The following CWH43 variants were observed in gnomAD, a reference collection of about 807,000 sequenced individuals.
CWH43 encodes the protein cell wall biogenesis 43 C-terminal homolog.
A neutral mutation model predicts 85.7 loss-of-function variants in CWH43; 91 were observed. The ratio of observed to expected loss-of-function variants is 1.06; its 90% CI spans 0.90 to 1.26. The LOEUF is 1.26. Ranked by LOEUF, CWH43 falls within the 50% of genes most tolerant of loss-of-function variation. The probability of loss-of-function intolerance (pLI) is 0.00; values close to 1 mark genes in which losing one functional copy is unlikely to be tolerated. For synonymous variants in CWH43, 323 were observed against 293.6 expected (o/e 1.10, Z -1.02); for missense variants, 869 against 839.2 (o/e 1.04, Z -0.44).
chr4:49,048,390 T>C (rs941300298), intron 14 of CWH43, among the ~76,000 whole-genome samples: 1 of 151,250 alleles, frequency 6.6e-6, no homozygotes, highest in Non-Finnish European at 1.5e-5. Flanking sequence ...TACATGTACA[T>C]ATAAAGTATA....
intron 13 of CWH43, among the ~76,000 whole-genome samples, chr4:49,038,445 T>A (rs780290850): frequency 7.9e-5 from 12 of 152,180 alleles, no homozygotes; most frequent in Admixed American, 5.2e-4. Context: ...GACTGGAGGA[T>A]CTACTTCATA....
intron 12 of CWH43, among the ~76,000 whole-genome samples, chr4:49,035,634 C>A (rs538284694): frequency 6.6e-6 from 1 of 152,242 alleles, no homozygotes; most frequent in East Asian, 1.9e-4. Context: ...ATTGGACCAA[C>A]AAAATATTAA....
chr4:48,998,616 G>A (rs1004937294), intron 6 of CWH43, 68 bp downstream of exon 6: 60 of 1,120,878 alleles, frequency 5.4e-5, no homozygotes, highest in Middle Eastern at 3.9e-4. Context: ...GCAAGCATGC[G>A]CAACTCGACT....
At chr4:49,052,317 T>A (rs1382740449) in intron 15 of CWH43, among the ~76,000 whole-genome samples, 1 of 152,144 alleles carries the variant, frequency 6.6e-6, no homozygotes, top group Non-Finnish European at 1.5e-5. Context: ...GTGGGCCAGT[T>A]GCTTAACCTC....
chr4:49,028,614 A>C lies in CWH43; in HGVS notation c.1267-15A>C. On this transcript the variant is annotated splice_polypyrimidine_tract_variant and intron_variant, in intron 9 of 15. Transcript: ENST00000226432. ...TTCACAGTCATCCTAAACTACCATT[A>C]AAACAATTCCTCAGGCACCAACCAA... 6.3e-7 allele frequency: 1 copy of C among 1,597,568 alleles called. No homozygotes were observed. The highest frequency in any genetic ancestry group is 8.6e-7 in the Non-Finnish European group (1 of 1,167,262).
At chr4:49,011,070 G>A (rs1421607916) in intron 8 of CWH43, among the ~76,000 whole-genome samples, 1 of 152,178 alleles carries the variant, frequency 6.6e-6, no homozygotes, top group Non-Finnish European at 1.5e-5. Flanking sequence ...AATATTGACA[G>A]TGGGGTATTA....
intron 15 of CWH43, 34 bp from the exon 16 acceptor site, chr4:49,061,778 C>G (rs1227066009): frequency 1.5e-6 from 2 of 1,297,446 alleles, no homozygotes; most frequent in Non-Finnish European, 2.0e-6. Context: ...TTTTTACATG[C>G]CAATAACTTT....
chr4:49,025,826 T>A (rs887757216), intron 9 of CWH43, among the ~76,000 whole-genome samples: 1 of 152,178 alleles, frequency 6.6e-6, no homozygotes, highest in East Asian at 1.9e-4. Context: ...TTTGTTGGCC[T>A]CCAGCCAGGG....
At chr4:48,990,171 T>G (rs946669377) in intron 2 of CWH43, among the ~76,000 whole-genome samples, 2 of 152,168 alleles carry the variant, frequency 1.3e-5, no homozygotes, top group African/African-American at 2.4e-5. Flanking sequence ...TAAAATAAGT[T>G]TGGGGTAGAT....
At chr4:49,031,191 A>G (rs1428956449) in intron 11 of CWH43, 1 of 411,742 alleles carries the variant, frequency 2.4e-6, no homozygotes, top group Non-Finnish European at 4.3e-6. Flanking sequence ...CTAGGAGCTG[A>G]GGTTGCAGCA....
At chr4:48,996,684 G>T (rs960773119) in intron 5 of CWH43, among the ~76,000 whole-genome samples, 7 of 152,168 alleles carry the variant, frequency 4.6e-5, no homozygotes, top group African/African-American at 1.7e-4. Context: ...ATGGTAAATG[G>T]TGAGTCCTGG....
Position 49,030,806 on chromosome 4 carries a change from C to CTTT in CWH43, c.1373-11_1373-9dup. ...TGCTGTGATTCATCACTGTATGCTACTTTTTTTTTTCTGAACAGGTGCAGA... is the reference window on the plus strand; with the variant it reads ...TGCTGTGATTCATCACTGTATGCTACTTTTTTTTTTTTTCTGAACAGGTGCAGA... On this transcript the variant is annotated intron_variant, in intron 10 of 15. Transcript: ENST00000226432. 4 of 1,403,280 alleles carry CTTT rather than the reference C, an allele frequency of 2.9e-6. No homozygotes were observed. The highest frequency in any genetic ancestry group is 5.2e-5 in the East Asian group (2 of 38,282). The allele number at this position is 1,403,280 out of a possible 1,614,324, so 86.9% of individuals were successfully genotyped here.
At chr4:49,050,512 A>G (rs1296318891) in intron 14 of CWH43, among the ~76,000 whole-genome samples, 182 bp from the exon 15 acceptor site, 4 of 152,222 alleles carry the variant, frequency 2.6e-5, no homozygotes, top group Non-Finnish European at 4.4e-5. Flanking sequence ...TTATTCATTT[A>G]TATCATAAAA....
At chr4:49,060,622 G>A (rs1443934971) in intron 15 of CWH43, among the ~76,000 whole-genome samples, 3 of 152,166 alleles carry the variant, frequency 2.0e-5, no homozygotes, top group South Asian at 2.1e-4. Flanking sequence ...TCTTGGGGGA[G>A]GAGTGATAGA....
At chr4:48,999,721 G>A (rs182371891) in intron 6 of CWH43, among the ~76,000 whole-genome samples, 14 of 152,268 alleles carry the variant, frequency 9.2e-5, no homozygotes, top group African/African-American at 2.6e-4. Context: ...TTGCTTTTCC[G>A]TGTTTCAAAA....
intron 15 of CWH43, among the ~76,000 whole-genome samples, chr4:49,060,416 C>T (rs1041370198): frequency 1.8e-4 from 28 of 151,616 alleles, no homozygotes; most frequent in Admixed American, 8.5e-4. Flanking sequence ...TTGCTAGGGC[C>T]GGCTTAGGGA....
chr4:49,039,311 A>ATATATATATATATG (rs1177164812), intron 13 of CWH43, among the ~76,000 whole-genome samples: 2 of 26,194 alleles, frequency 7.6e-5, no homozygotes, highest in Non-Finnish European at 1.1e-4. Flanking sequence ...AGACTGATAT[A>ATATATATATATATG]TATATATATA....
chr4:48,989,052 AG>A lies in CWH43; in HGVS notation c.235+385del, dbSNP rs1302206863. ...TGAAAATTATGATGAAAAACACCAC[AG>A]TAAGCAGTCAAACAAGAAACTAGGA... On this transcript the variant is annotated intron_variant, in intron 2 of 15. Transcript: ENST00000226432. Among the ~76,000 whole-genome samples, 4 of 152,366 alleles carry A rather than the reference AG, an allele frequency of 2.6e-5. No homozygotes were observed. The East Asian group carries it at 7.7e-4, about 29-fold the overall frequency.
At chr4:49,031,203 CA>C in intron 11 of CWH43, 1 of 389,250 alleles carries the variant, frequency 2.6e-6, no homozygotes, top group South Asian at 7.2e-5. Flanking sequence ...GTTGCAGCAC[CA>C]AGCATGTCTG....
Sources: gnomAD v4.1 joint callset for allele counts (sites outside exome capture counted in the v4.1 genomes callset) on GRCh38, gnomAD v4.1.1 for gene constraint, MANE v1.5 for transcripts, NCBI Gene and HGNC (gene_info 2026-07-23, HGNC 2026-07-21) for gene names.